MAP4K4: variants seen among roughly 807,000 people sequenced by gnomAD.
MAP4K4 encodes mitogen-activated protein kinase kinase kinase kinase 4.
Under a neutral mutation model 189.6 loss-of-function variants are expected in MAP4K4, and 38 were observed. That is an observed-to-expected ratio of 0.20 (90% CI 0.15 to 0.26). MAP4K4 has a LOEUF of 0.26. Ranked by LOEUF, MAP4K4 falls within the 10% of genes least tolerant of loss-of-function variation. The pLI is 1.00. For missense variants in MAP4K4, 1,054 were observed against 1,726.9 expected (o/e 0.61, Z 6.91); for synonymous variants, 610 against 624.3 (o/e 0.98, Z 0.34).
At chr2:101,892,537 T>A in exon 33 of MAP4K4, 1 of 234,254 alleles carries the variant, frequency 4.3e-6, no homozygotes, top group Non-Finnish European at 8.6e-6. Flanking sequence ...TACATTAGAA[T>A]AGTCACACAA....
At chr2:101,761,035 A>C (rs557865946) in intron 2 of MAP4K4, among the ~76,000 whole-genome samples, 1 of 152,226 alleles carries the variant, frequency 6.6e-6, no homozygotes, top group East Asian at 1.9e-4. Context: ...AATGTTTAAC[A>C]TGTTGGCAAT....
intron 2 of MAP4K4, among the ~76,000 whole-genome samples, chr2:101,722,950 G>C (rs2053073355): frequency 6.6e-6 from 1 of 152,228 alleles, no homozygotes; most frequent in Non-Finnish European, 1.5e-5. Context: ...GTTTAGAAAG[G>C]AAAGAGGTTG....
chr2:101,708,273 TA>T (rs1164274025), intron 2 of MAP4K4, among the ~76,000 whole-genome samples: 3 of 152,228 alleles, frequency 2.0e-5, no homozygotes, highest in Non-Finnish European at 2.9e-5. Flanking sequence ...ATTTTGGACT[TA>T]GGGTTTTGCT....
exon 30 of MAP4K4, chr2:101,887,141 A>G: frequency 6.2e-7 from 1 of 1,606,106 alleles, no homozygotes; most frequent in Non-Finnish European, 8.5e-7. Flanking sequence ...CTGTTGAGGA[A>G]GGCCAGAGGT....
In MAP4K4 at chr2:101,768,445, G is replaced by A. The variant is rs546442653; in HGVS notation, c.124-22275G>A. On this transcript the variant is annotated intron_variant, in intron 2 of 32. Coordinates refer to ENST00000324219, the Ensembl canonical transcript of MAP4K4. ...TGTTCTAAAACACCACATTGCTGTCGTCAGCGTTGATTAAGGTTTTGCTTA... is the reference window on the plus strand; with the variant it reads ...TGTTCTAAAACACCACATTGCTGTCATCAGCGTTGATTAAGGTTTTGCTTA... Among the ~76,000 whole-genome samples the A allele has an allele frequency of 1.2e-4, 18 of 152,186 alleles. 1 individual carries two copies. Among genetic ancestry groups the A allele is most frequent in the African/African-American group, 2.2e-4 (9 of 41,442 alleles).
intron 13 of MAP4K4, among the ~76,000 whole-genome samples, chr2:101,857,788 A>G (rs762473712): frequency 1.3e-5 from 2 of 151,976 alleles, no homozygotes; most frequent in Non-Finnish European, 2.9e-5. Context: ...GGATTTTTAT[A>G]TGCTGTAATT....
At chr2:101,745,231 G>A (rs1204817975) in intron 2 of MAP4K4, among the ~76,000 whole-genome samples, 1 of 151,332 alleles carries the variant, frequency 6.6e-6, no homozygotes, top group African/African-American at 2.4e-5. Context: ...AGCCATAAAG[G>A]TGTGTGGTTC....
At chr2:101,793,568 GTT>G (rs5832988) in intron 3 of MAP4K4, among the ~76,000 whole-genome samples, 58 of 127,462 alleles carry the variant, frequency 4.6e-4, no homozygotes, top group Middle Eastern at 4.1e-3. Flanking sequence ...ACTCTTCATG[GTT>G]TTTTTTTTTT....
At chr2:101,793,118 AT>A (rs2093201790) in intron 3 of MAP4K4, among the ~76,000 whole-genome samples, 1 of 152,214 alleles carries the variant, frequency 6.6e-6, no homozygotes, top group East Asian at 1.9e-4. Context: ...GGACACATGC[AT>A]GATATAAGTA....
chr2:101,793,113 C>T (rs1216012736), intron 3 of MAP4K4, among the ~76,000 whole-genome samples: 1 of 152,166 alleles, frequency 6.6e-6, no homozygotes, highest in Admixed American at 6.5e-5. Context: ...ATGTTGGACA[C>T]ATGCATGATA....
intron 2 of MAP4K4, among the ~76,000 whole-genome samples, chr2:101,717,571 A>G (rs1362078802): frequency 6.6e-6 from 1 of 152,212 alleles, no homozygotes; most frequent in Non-Finnish European, 1.5e-5. Context: ...GACTTCTGTC[A>G]TTAGAGGAAA....
At chr2:101,829,626 AT>A (rs775859893) in intron 6 of MAP4K4, 32 bp downstream of exon 6, 3 of 1,500,820 alleles carry the variant, frequency 2.0e-6, no homozygotes, top group South Asian at 2.3e-5. Context: ...TGATCTCATA[AT>A]TGCACCTGGC....
At position 101,757,123 on chromosome 2, in the gene MAP4K4, G is replaced by A. The variant is rs144431661; in HGVS notation, c.124-33597G>A. Among the ~76,000 whole-genome samples, 32 of 152,242 alleles carry A rather than the reference G, an allele frequency of 2.1e-4. No individual in the cohort carries two copies. The East Asian group carries it at 5.4e-3, about 26-fold the overall frequency. On this transcript the variant is annotated intron_variant, in intron 2 of 32. Transcript: ENST00000324219. ...TTGGAGTAAGGGATAAGAAGGAGGG[G>A]GATGTCTTTCATGTGGGAGGCTTGG...
At chr2:101,894,359 A>G (rs974602544) in exon 33 of MAP4K4, 2 of 152,642 alleles carry the variant, frequency 1.3e-5, no homozygotes, top group Admixed American at 6.6e-5. Flanking sequence ...TCTCATGCAC[A>G]TGTTACGTTG....
chr2:101,816,790 C>G (rs1156932198), intron 3 of MAP4K4, among the ~76,000 whole-genome samples: 2 of 152,166 alleles, frequency 1.3e-5, no homozygotes, highest in Non-Finnish European at 2.9e-5. Flanking sequence ...GCAGTTTAAA[C>G]AGCCAGCCTC....
At chr2:101,880,611 C>A (rs2098357993) in intron 27 of MAP4K4, among the ~76,000 whole-genome samples, 1 of 151,666 alleles carries the variant, frequency 6.6e-6, no homozygotes. Context: ...CGGGTTCAAG[C>A]AATTCTCCTG....
At chr2:101,803,008 A>G (rs1014885301) in intron 3 of MAP4K4, among the ~76,000 whole-genome samples, 2 of 152,058 alleles carry the variant, frequency 1.3e-5, no homozygotes, top group East Asian at 1.9e-4. Flanking sequence ...CTGGTCTCGA[A>G]CTACTGACCT....
At chr2:101,720,062 T>C (rs2050843508) in intron 2 of MAP4K4, among the ~76,000 whole-genome samples, 1 of 151,970 alleles carries the variant, frequency 6.6e-6, no homozygotes, top group Non-Finnish European at 1.5e-5. Flanking sequence ...AGAAAGAGTT[T>C]GAAGCTTTAA....
intron 13 of MAP4K4, among the ~76,000 whole-genome samples, chr2:101,857,038 G>A (rs73945503): frequency 0.011 from 1,637 of 152,294 alleles, 33 homozygotes; most frequent in African/African-American, 0.037. Flanking sequence ...ATTTAACTGT[G>A]TAGCGCGTGT....
Sources: allele counts gnomAD v4.1 joint callset (sites outside exome capture counted in the v4.1 genomes callset), GRCh38; gene constraint gnomAD v4.1.1; transcripts MANE v1.5; gene names NCBI Gene and HGNC (gene_info 2026-07-23, HGNC 2026-07-21).